Variants in CACNG2 observed in about 807,000 individuals in gnomAD.
CACNG2 encodes the protein voltage-dependent calcium channel gamma-2 subunit.
CACNG2 carries 3 observed loss-of-function variants against 25.9 expected under a neutral mutation model. That is an observed-to-expected ratio of 0.12 (90% CI 0.05 to 0.30). The LOEUF is 0.30. Ranked by LOEUF, CACNG2 falls within the 10% of genes least tolerant of loss-of-function variation. CACNG2 has a pLI of 1.00. For synonymous variants in CACNG2, 167 were observed against 173.3 expected, an observed-to-expected ratio of 0.96 and a Z score of 0.29; for missense variants, 341 against 432.5, an observed-to-expected ratio of 0.79 and a Z score of 1.88.
intron 1 of CACNG2, among the ~76,000 whole-genome samples, chr22:36,589,978 C>T (rs1459816719): frequency 6.6e-6 from 1 of 152,216 alleles, no homozygotes; most frequent in Admixed American, 6.5e-5. Context: ...TTCAGCAAGC[C>T]GGTGCCAGGC....
intron 1 of CACNG2, among the ~76,000 whole-genome samples, chr22:36,658,345 C>G (rs750103437): frequency 2.0e-5 from 3 of 152,204 alleles, no homozygotes; most frequent in Non-Finnish European, 2.9e-5. Flanking sequence ...GGAAAGTCCT[C>G]CTCTCGCCAA....
intron 1 of CACNG2, among the ~76,000 whole-genome samples, chr22:36,623,740 TA>T (rs1367230529): frequency 4.0e-5 from 6 of 151,796 alleles, no homozygotes; most frequent in African/African-American, 1.5e-4. Context: ...ACGATGGTAA[TA>T]AAAATGATAA....
At chr22:36,661,734 C>T (rs1419554025) in intron 1 of CACNG2, among the ~76,000 whole-genome samples, 3 of 152,114 alleles carry the variant, frequency 2.0e-5, no homozygotes, top group Non-Finnish European at 4.4e-5. Flanking sequence ...TGTCACAGGA[C>T]GAAAGCTCTA....
At chr22:36,678,809 C>A (rs915198925) in intron 1 of CACNG2, among the ~76,000 whole-genome samples, 1 of 152,160 alleles carries the variant, frequency 6.6e-6, no homozygotes, top group African/African-American at 2.4e-5. Flanking sequence ...CCTTCGGCAG[C>A]AGCCTCTTCT....
At chr22:36,569,540 TTTTG>T in intron 2 of CACNG2, among the ~76,000 whole-genome samples, 1 of 152,266 alleles carries the variant, frequency 6.6e-6, no homozygotes, top group Middle Eastern at 3.4e-3. Context: ...GATGGTTTCT[TTTTG>T]TTTGTTTGTT....
At chr22:36,643,165 CCTT>C (rs1185814724) in intron 1 of CACNG2, among the ~76,000 whole-genome samples, 1 of 147,844 alleles carries the variant, frequency 6.8e-6, no homozygotes, top group African/African-American at 2.5e-5. Context: ...TTCCTTCCTT[CCTT>C]CTTTCCTTCT....
At chr22:36,632,798 G>T (rs911806165) in intron 1 of CACNG2, among the ~76,000 whole-genome samples, 19 of 152,062 alleles carry the variant, frequency 1.2e-4, no homozygotes, top group East Asian at 5.8e-4. Context: ...CTGGTGGAGT[G>T]CCCAGGTCTT....
rs931240550 is a variant in CACNG2 at position 36,606,054 on chromosome 22, A to T, written c.212-18506T>A. 3.3e-5 allele frequency among the ~76,000 whole-genome samples: 5 copies of T among 152,192 alleles called. No individual in the cohort carries two copies. The highest frequency in any genetic ancestry group is 1.2e-4 in the African/African-American group (5 of 41,446). ...CTGAGTTCTCTTTCTGCCGTGTATT[A>T]ACCATGTGCTCTCGGACAAGGTGTT... On this transcript the variant is annotated intron_variant, in intron 1 of 3. Coordinates refer to ENST00000300105, the MANE Select transcript of CACNG2 (RefSeq NM_006078.5). This position sits in a 1 kb window ranked among gnomAD's most constrained non-coding sequence, Gnocchi z 5.7.
At chr22:36,646,184 T>C (rs1265830306) in intron 1 of CACNG2, among the ~76,000 whole-genome samples, 3 of 152,220 alleles carry the variant, frequency 2.0e-5, no homozygotes, top group Non-Finnish European at 4.4e-5. Context: ...TATGTATTTC[T>C]TTTTTCCCAT....
chr22:36,642,986 G>A (rs1936462007), intron 1 of CACNG2, among the ~76,000 whole-genome samples: 1 of 151,932 alleles, frequency 6.6e-6, no homozygotes, highest in African/African-American at 2.4e-5. Context: ...GGCAAGAGAG[G>A]TCTTTCCTTC....
intron 1 of CACNG2, among the ~76,000 whole-genome samples, chr22:36,673,974 ACTCT>A (rs960816283): frequency 2.5e-4 from 38 of 151,950 alleles, no homozygotes; most frequent in African/African-American, 8.2e-4. Context: ...GTCCCCTGTG[ACTCT>A]CTCTCGATAG....
At position 36,566,659 on chromosome 22, in the gene CACNG2, A is replaced by G. The variant is rs555489188; in HGVS notation, c.296-166T>C. Among the ~76,000 whole-genome samples the G allele has an allele frequency of 1.9e-4, 29 of 152,288 alleles. No individual in the cohort carries two copies. The South Asian group carries it at 2.5e-3, about 13-fold the overall frequency. ...GGGAGGGAGAGACAGCGAGCAGGCCACTGCCCAGCTCACAGCCCTGCAGGA... is the reference window on the plus strand; with the variant it reads ...GGGAGGGAGAGACAGCGAGCAGGCCGCTGCCCAGCTCACAGCCCTGCAGGA... On this transcript the variant is annotated intron_variant, in intron 2 of 3. Transcript: ENST00000300105.
rs774863372 is a variant in CACNG2 at position 36,566,429 on chromosome 22, G to A, written c.360C>T (p.Leu120=). 2.5e-6 allele frequency: 4 copies of A among 1,614,116 alleles called. No homozygotes were observed. In the East Asian group the frequency reaches 8.9e-5, roughly 36 times the overall value. The change falls in exon 3 of 4, where the codon CTC becomes CTT. Residue 120 remains leucine (L), a synonymous_variant. Coordinates refer to ENST00000300105, the MANE Select transcript of CACNG2 (RefSeq NM_006078.5). ...TGTAGAACTCGCTGGCTGCGATGCA[G>A]AGGCCACCCATGAAAAGCAGAATCA... ...LSVILLFMGG[L]CIAASEFYKT...
At chr22:36,658,827 G>A (rs942893572) in intron 1 of CACNG2, among the ~76,000 whole-genome samples, 4 of 152,132 alleles carry the variant, frequency 2.6e-5, no homozygotes, top group African/African-American at 9.7e-5. Context: ...GAGTGTGCGG[G>A]GAAGGGACTC....
chr22:36,634,015 G>C lies in CACNG2; in HGVS notation c.212-46467C>G, dbSNP rs1245219585. Reference sequence around the variant, plus strand: ...CCCAGTGATGGTTGCCAATCAGTAGGATGTGGTGAAAAAAAGCATAGACTT... The same window carrying C: ...CCCAGTGATGGTTGCCAATCAGTAGCATGTGGTGAAAAAAAGCATAGACTT... On this transcript the variant is annotated intron_variant, in intron 1 of 3. Transcript: ENST00000300105. Among the ~76,000 whole-genome samples, 3 of 152,270 alleles carry C rather than the reference G, an allele frequency of 2.0e-5. No homozygotes were observed. In the East Asian group the frequency reaches 5.8e-4, roughly 29 times the overall value.
intron 2 of CACNG2, among the ~76,000 whole-genome samples, chr22:36,575,656 T>C (rs1935300759): frequency 1.3e-5 from 2 of 152,248 alleles, no homozygotes; most frequent in Non-Finnish European, 2.9e-5. Context: ...TCTGATGAGG[T>C]TGGAGTAGAC....
chr22:36,612,311 G>T (rs927863438), intron 1 of CACNG2, among the ~76,000 whole-genome samples: 4 of 152,182 alleles, frequency 2.6e-5, no homozygotes, highest in African/African-American at 9.7e-5. Context: ...GGACTTAGAA[G>T]AGTACTTTAT....
At chr22:36,700,140 C>T (rs998160370) in intron 1 of CACNG2, among the ~76,000 whole-genome samples, 20 of 152,308 alleles carry the variant, frequency 1.3e-4, no homozygotes, top group Non-Finnish European at 2.4e-4. Context: ...AGTGCCTGTG[C>T]GCATCGCACA....
At chr22:36,596,142 C>T (rs1035429409) in intron 1 of CACNG2, among the ~76,000 whole-genome samples, 1 of 152,164 alleles carries the variant, frequency 6.6e-6, no homozygotes, top group Non-Finnish European at 1.5e-5. Context: ...CACGGTGGAG[C>T]GAGCTGAGGC....
Sources: allele counts gnomAD v4.1 joint callset (sites outside exome capture counted in the v4.1 genomes callset), GRCh38; gene constraint gnomAD v4.1.1; non-coding constraint Gnocchi (gnomAD v3.1); transcripts MANE v1.5; gene names NCBI Gene and HGNC (gene_info 2026-07-23, HGNC 2026-07-21).